Variants in ACTRT2 observed in about 807,000 individuals in gnomAD.
ACTRT2 encodes the protein actin related protein T2, also known as actin-related protein T2.
Under a neutral mutation model 1.2 loss-of-function variants are expected in ACTRT2, and 1 was observed. The ratio of observed to expected loss-of-function variants is 0.80; its 90% confidence interval spans 0.29 to 3.81. The LOEUF is 3.81. Among genes scored for constraint, ACTRT2 ranks in the 30% most tolerant of loss-of-function variants. The pLI is 0.18. For synonymous variants in ACTRT2, 262 were observed against 228.9 expected (o/e 1.14, Z -1.30); for missense variants, 488 against 497.9 (o/e 0.98, Z 0.19).
At position 3,022,724 on chromosome 1, in the gene ACTRT2, C is replaced by T. The variant is rs374360455; in HGVS notation, c.1038C>T (p.Ser346=). 35 of 1,613,532 alleles carry T rather than the reference C, an allele frequency of 2.2e-5. No homozygotes were observed. Among genetic ancestry groups the T allele is most frequent in the Non-Finnish European group, 2.9e-5 (34 of 1,180,034 alleles). ...GGTTCTCCACCTGGATTGGAGCCTC[C>T]ATCGTCACCTCTCTGAGTAGCTTCA... ...DRWFSTWIGA[S]IVTSLSSFKQ... The change falls in exon 1 of 1, where the codon TCC becomes TCT. Residue 346 remains serine (S), a synonymous_variant. Coordinates refer to ENST00000378404, the MANE Select transcript of ACTRT2 (RefSeq NM_080431.5). The surrounding 1 kb of genome is among the most constrained non-coding windows in gnomAD (Gnocchi z 7.7).
chr1:3,022,157 G>A lies in ACTRT2; in HGVS notation c.471G>A (p.Val157=), dbSNP rs768899235. ...YASACVTGLV[V]DSGDAVTCTV... ...CTGCCTGTGTCACGGGCCTGGTGGT[G>A]GACAGCGGGGATGCGGTCACCTGCA... Residue 157 remains valine (V), a synonymous_variant, in exon 1 of 1, where the codon GTG becomes GTA. Coordinates refer to ENST00000378404, the MANE Select transcript of ACTRT2 (RefSeq NM_080431.5). The surrounding 1 kb of genome is among the most constrained non-coding windows in gnomAD (Gnocchi z 7.7). The A allele has an allele frequency of 2.5e-6, 4 of 1,613,158 alleles. No individual in the cohort carries two copies. The highest frequency in any genetic ancestry group is 1.7e-5 in the Admixed American group (1 of 60,032).
In ACTRT2 at chr1:3,021,939, G is replaced by A; in HGVS notation, c.253G>A (p.Asp85Asn). 1 of 1,613,646 alleles carries A rather than the reference G, an allele frequency of 6.2e-7. No individual in the cohort carries two copies. Among genetic ancestry groups the A allele is most frequent in the Non-Finnish European group, 8.5e-7 (1 of 1,180,032 alleles). The change falls in exon 1 of 1, where the codon GAC (aspartate) becomes AAC (asparagine). Residue 85 changes from aspartate to asparagine, a missense_variant. Asp to Asn is a conservative substitution (Grantham distance 23). Coordinates refer to ENST00000378404, the MANE Select transcript of ACTRT2 (RefSeq NM_080431.5). ...GCGTGGCCTGATCACAGGGTGGGATGACGTGGAGAGACTCTGGAAGCACCT... is the reference window on the plus strand; with the variant it reads ...GCGTGGCCTGATCACAGGGTGGGATAACGTGGAGAGACTCTGGAAGCACCT... ...FERGLITGWD[D>N]VERLWKHLFE...
At position 3,021,638 on chromosome 1, in the gene ACTRT2, G is replaced by A; in HGVS notation, c.-49G>A. ...CCCTATTGCATCACAAAGCGGCCCTGGAGGGCTGGTCTTTATTTTGATGAG... is the reference window on the plus strand; with the variant it reads ...CCCTATTGCATCACAAAGCGGCCCTAGAGGGCTGGTCTTTATTTTGATGAG... On this transcript the variant is annotated 5_prime_UTR_variant, in exon 1 of 1. Transcript: ENST00000378404. 4 of 1,567,144 alleles carry A rather than the reference G, an allele frequency of 2.6e-6. No homozygotes were observed. Among genetic ancestry groups the A allele is most frequent in the Non-Finnish European group, 3.5e-6 (4 of 1,158,102 alleles).
In ACTRT2 at chr1:3,022,730, C is replaced by T. The variant is rs1371050199; in HGVS notation, c.1044C>T (p.Val348=). The change falls in exon 1 of 1, where the codon GTC becomes GTT. Residue 348 remains valine, a synonymous_variant. Transcript: ENST00000378404. This position sits in a 1 kb window ranked among gnomAD's most constrained non-coding sequence, Gnocchi z 7.7. ...WFSTWIGASI[V]TSLSSFKQMW... The stretch of plus-strand genomic sequence containing the variant: ...CCACCTGGATTGGAGCCTCCATCGT[C>T]ACCTCTCTGAGTAGCTTCAAGCAGA... 6.2e-7 allele frequency: 1 copy of T among 1,613,558 alleles called. No homozygotes were observed. The highest frequency in any genetic ancestry group is 1.3e-5 in the African/African-American group (1 of 74,898).
rs1293180400 is a variant in ACTRT2 at position 3,022,700 on chromosome 1, G to T, written c.1014G>T (p.Trp338Cys). The change falls in exon 1 of 1, where the codon TGG becomes TGT. Residue 338 changes from tryptophan (W) to cysteine (C), a missense_variant. Transcript: ENST00000378404. This position sits in a 1 kb window ranked among gnomAD's most constrained non-coding sequence, Gnocchi z 7.7. ...AGATCACGGCTCCCCCCGACCGGTG[G>T]TTCTCCACCTGGATTGGAGCCTCCA... ...PIKITAPPDR[W>C]FSTWIGASIV... is the part of the protein sequence containing the mutation. 6 of 1,613,384 alleles carry T rather than the reference G, an allele frequency of 3.7e-6. No individual in the cohort carries two copies. The highest frequency in any genetic ancestry group is 5.1e-6 in the Non-Finnish European group (6 of 1,180,022).
chr1:3,021,991 C>A lies in ACTRT2; in HGVS notation c.305C>A (p.Pro102His). 6.2e-7 allele frequency: 1 copy of A among 1,613,516 alleles called. No homozygotes were observed. The highest frequency in any genetic ancestry group is 8.5e-7 in the Non-Finnish European group (1 of 1,180,022). The change falls in exon 1 of 1, where the codon CCC becomes CAC. Residue 102 changes from proline (P) to histidine (H), a missense_variant. Physicochemically the swap from Pro to His is moderately conservative, Grantham distance 77 (BLOSUM62 -2). Transcript: ENST00000378404. The stretch of plus-strand genomic sequence containing the variant: ...TTTGAGTGGGAGCTAGGCGTGAAAC[C>A]CAGCGACCAGCCCCTGCTTGCAACG... ...HLFEWELGVK[P>H]SDQPLLATEP... is the part of the protein sequence containing the mutation.
chr1:3,022,518 A>C lies in ACTRT2; in HGVS notation c.832A>C (p.Asn278His). The C allele has an allele frequency of 6.8e-6, 11 of 1,612,872 alleles. No homozygotes were observed. The highest frequency in any genetic ancestry group is 1.1e-5 in the South Asian group (1 of 91,076). The part of the protein sequence containing the change: ...QLGSQSPGLS[N>H]MVSSSITKCD... The stretch of plus-strand genomic sequence containing the variant: ...GGGCAGCCAGAGCCCCGGGCTCTCG[A>C]ATATGGTCTCCAGCAGCATCACCAA... Residue 278 changes from asparagine (N) to histidine (H), a missense_variant, in exon 1 of 1, where the codon AAT becomes CAT. Asn to His is a moderately conservative substitution (Grantham distance 68). Coordinates refer to ENST00000378404, the MANE Select transcript of ACTRT2 (RefSeq NM_080431.5). This position sits in a 1 kb window ranked among gnomAD's most constrained non-coding sequence, Gnocchi z 7.7.
In ACTRT2 at chr1:3,021,718, C is replaced by T; in HGVS notation, c.32C>T (p.Ala11Val). 6.2e-7 allele frequency: 1 copy of T among 1,613,892 alleles called. No homozygotes were observed. The highest frequency in any genetic ancestry group is 8.5e-7 in the Non-Finnish European group (1 of 1,179,992). The change falls in exon 1 of 1, where the codon GCT (alanine) becomes GTT (valine). Residue 11 changes from alanine to valine, a missense_variant. Ala to Val is a moderately conservative substitution (Grantham distance 64). Transcript: ENST00000378404. ...AATCCGCACGCTTTAGACTCCCCGG[C>T]TGTGATTTTTGACAATGGCTCGGGG... MFNPHALDSP[A>V]VIFDNGSGFC...
chr1:3,022,133 T>C lies in ACTRT2; in HGVS notation c.447T>C (p.Ser149=). The C allele has an allele frequency of 1.2e-6, 2 of 1,613,104 alleles. No homozygotes were observed. The highest frequency in any genetic ancestry group is 8.5e-7 in the Non-Finnish European group (1 of 1,179,998). Residue 149 remains serine (S), a synonymous_variant, in exon 1 of 1, where the codon TCT becomes TCC. Transcript: ENST00000378404. The surrounding 1 kb of genome is among the most constrained non-coding windows in gnomAD (Gnocchi z 7.7). ...AGGCGGTGCTGGCTCTCTACGCCTC[T>C]GCCTGTGTCACGGGCCTGGTGGTGG... ...SDQAVLALYA[S]ACVTGLVVDS... is the part of the protein sequence containing the mutation.
At position 3,022,661 on chromosome 1, in the gene ACTRT2, G is replaced by T; in HGVS notation, c.975G>T (p.Lys325Asn). 1 of 1,613,352 alleles carries T rather than the reference G, an allele frequency of 6.2e-7. No homozygotes were observed. The highest frequency in any genetic ancestry group is 8.5e-7 in the Non-Finnish European group (1 of 1,180,018). Residue 325 changes from lysine to asparagine, a missense_variant, in exon 1 of 1, where the codon AAG (lysine) becomes AAT (asparagine). Coordinates refer to ENST00000378404, the MANE Select transcript of ACTRT2 (RefSeq NM_080431.5). The surrounding 1 kb of genome is among the most constrained non-coding windows in gnomAD (Gnocchi z 7.7). ...AGGAGCTGGAGCAGCTGGCCTCCAA[G>T]GACACCCCCATCAAGATCACGGCTC... is the stretch of plus-strand genomic sequence containing the variant. ...LLKELEQLAS[K>N]DTPIKITAPP...
rs936905890 is a variant in ACTRT2 at position 3,021,788 on chromosome 1, G to T, written c.102G>T (p.Met34Ile). 6.4e-5 allele frequency: 103 copies of T among 1,613,580 alleles called. No homozygotes were observed. The highest frequency in any genetic ancestry group is 8.6e-5 in the Non-Finnish European group (102 of 1,180,032). The change falls in exon 1 of 1, where the codon ATG (methionine) becomes ATT (isoleucine). Residue 34 changes from methionine to isoleucine, a missense_variant. Met to Ile is a conservative substitution (Grantham distance 10). Coordinates refer to ENST00000378404, the MANE Select transcript of ACTRT2 (RefSeq NM_080431.5). ...GLSGEFGPRHMVSSIVGHLKF... is the reference protein window; with the variant it reads ...GLSGEFGPRHIVSSIVGHLKF... ...CTGGGGAGTTTGGACCCCGGCACAT[G>T]GTCAGCTCCATCGTGGGGCACCTGA...
Sources: allele counts gnomAD v4.1 joint callset, GRCh38; gene constraint gnomAD v4.1.1; non-coding constraint Gnocchi (gnomAD v3.1); transcripts MANE v1.5; gene names NCBI Gene and HGNC (gene_info 2026-07-23, HGNC 2026-07-21).